The following AADACL4 variants were observed in gnomAD, a reference collection of about 807,000 sequenced individuals.
The protein encoded by AADACL4 is arylacetamide deacetylase-like 4.
A neutral mutation model predicts 14.1 loss-of-function variants in AADACL4; 9 were observed. That is an observed-to-expected ratio of 0.64 (90% CI 0.39 to 1.12). AADACL4 has a LOEUF of 1.12. AADACL4 is among the 50% of genes most tolerant of loss of function. The pLI is 0.01. For synonymous variants in AADACL4, 188 were observed against 201.6 expected (o/e 0.93, Z 0.57); for missense variants, 531 against 516.1 (o/e 1.03, Z -0.28).
chr1:12,644,766 T>A, intron 1 of AADACL4, 52 bp downstream of exon 1: 1 of 1,570,262 alleles, frequency 6.4e-7, no homozygotes, highest in Non-Finnish European at 8.7e-7. Context: ...TCTCTTGTTC[T>A]CAGTACCTTA....
At chr1:12,649,700 G>T (rs1430657295) in intron 1 of AADACL4, among the ~76,000 whole-genome samples, 1 of 152,154 alleles carries the variant, frequency 6.6e-6, no homozygotes, top group Non-Finnish European at 1.5e-5. Context: ...GACCCACTGG[G>T]GAGACACTCT....
rs902308594 is a variant in AADACL4, at chr1:12,666,853, T to A, written c.*118T>A. The A allele has an allele frequency of 9.2e-7, 1 of 1,087,426 alleles. No individual in the cohort carries two copies. Among genetic ancestry groups the A allele is most frequent in the East Asian group, 2.4e-5 (1 of 41,690 alleles). 67.4% of individuals were successfully genotyped at this position (1,087,426 alleles called of 1,614,324 possible). A position where few individuals can be genotyped will look rare whatever the true frequency, so the allele number is the denominator to read the frequency against. On this transcript the variant is annotated 3_prime_UTR_variant, in exon 4 of 4. Coordinates refer to ENST00000376221, the MANE Select transcript of AADACL4 (RefSeq NM_001013630.2). ...GTGCTACATCAATGCTTGGGGCAGC[T>A]GGGAAGGGTGAGAAGTAAGCTAACA...
rs754785414 is a variant in AADACL4 at position 12,666,409 on chromosome 1, C to T, written c.898C>T (p.Gln300Ter). The T allele has an allele frequency of 6.2e-7, 1 of 1,614,154 alleles. No homozygotes were observed. The highest frequency in any genetic ancestry group is 8.5e-7 in the Non-Finnish European group (1 of 1,180,036). ...IPKKFKNRGYQPWSPGPFNEA... is the reference protein window; with the variant it reads ...IPKKFKNRGY Reference sequence around the variant, plus strand: ...CAAGAAATTTAAGAACAGAGGCTACCAACCCTGGTCTCCCGGCCCTTTTAA... The same window carrying T: ...CAAGAAATTTAAGAACAGAGGCTACTAACCCTGGTCTCCCGGCCCTTTTAA... Residue 300 changes from glutamine to a stop codon, truncating the protein, a stop_gained, in exon 4 of 4, where the codon CAA becomes TAA. Transcript: ENST00000376221. LOFTEE classifies it low-confidence loss of function (END_TRUNC).
At position 12,645,574 on chromosome 1, in the gene AADACL4, G is replaced by T. The variant is rs544796916; in HGVS notation, c.168+860G>T. ...TTTTACTTTTTTGAGACGGGGTCTT[G>T]CTCTGTTGCCCAGGCTGGAGTGCAG... is the stretch of plus-strand genomic sequence containing the variant. On this transcript the variant is annotated intron_variant, in intron 1 of 3. Coordinates refer to ENST00000376221, the MANE Select transcript of AADACL4 (RefSeq NM_001013630.2). 2.0e-5 allele frequency among the ~76,000 whole-genome samples: 3 copies of T among 152,144 alleles called. No homozygotes were observed. The South Asian group carries it at 6.2e-4, about 32-fold the overall frequency.
At position 12,665,983 on chromosome 1, in the gene AADACL4, C is replaced by A. The variant is rs760579055; in HGVS notation, c.472C>A (p.His158Asn). 7 of 1,609,842 alleles carry A rather than the reference C, an allele frequency of 4.3e-6. No individual in the cohort carries two copies. The East Asian group carries it at 1.1e-4, about 26-fold the overall frequency. Residue 158 changes from histidine to asparagine, a missense_variant, in exon 4 of 4, where the codon CAT (histidine) becomes AAT (asparagine). His to Asn is a moderately conservative substitution (Grantham distance 68, BLOSUM62 1). Transcript: ENST00000376221. ...TAGGTACCGCAAGCTTCCTGACCAC[C>A]ATTCCCCTGCCCTTTTCCAAGACTG... ...MIGYRKLPDH[H>N]SPALFQDCMN...
Position 12,649,625 on chromosome 1 carries a change from C to T in AADACL4, c.169-1498C>T, listed in dbSNP as rs549475741. Among the ~76,000 whole-genome samples the T allele has an allele frequency of 9.7e-4, 148 of 152,268 alleles. 2 individuals carry two copies. Among genetic ancestry groups the T allele is most frequent in the African/African-American group, 6.5e-4 (27 of 41,554 alleles). On this transcript the variant is annotated intron_variant, in intron 1 of 3. Coordinates refer to ENST00000376221, the MANE Select transcript of AADACL4 (RefSeq NM_001013630.2). ...ATGGAGGGAACCGATTGGGGTAGTCCGTGCAACCTCAGACAAGACCCAGTG... is the reference window on the plus strand; with the variant it reads ...ATGGAGGGAACCGATTGGGGTAGTCTGTGCAACCTCAGACAAGACCCAGTG...
chr1:12,662,655 C>T (rs561964067), intron 3 of AADACL4, among the ~76,000 whole-genome samples: 7 of 152,214 alleles, frequency 4.6e-5, no homozygotes, highest in Non-Finnish European at 8.8e-5. Context: ...AGAAGGCCAG[C>T]GAGAGAAATT....
Position 12,666,574 on chromosome 1 carries a change from C to T in AADACL4, c.1063C>T (p.Leu355Phe), listed in dbSNP as rs759805445. The T allele has an allele frequency of 3.1e-6, 5 of 1,614,230 alleles. No individual in the cohort carries two copies. The highest frequency in any genetic ancestry group is 2.2e-5 in the South Asian group (2 of 91,084). Residue 355 changes from leucine (L) to phenylalanine (F), a missense_variant, in exon 4 of 4, where the codon CTC becomes TTC. Physicochemically the swap from Leu to Phe is conservative, Grantham distance 22 (BLOSUM62 0). Coordinates refer to ENST00000376221, the MANE Select transcript of AADACL4 (RefSeq NM_001013630.2). ...ENDILRDDSL[L>F]YKKRLEDQGV... ...TGACATACTCCGTGATGACAGCTTG[C>T]TCTATAAGAAGCGCTTGGAGGACCA...
At chr1:12,651,082 AC>A in intron 1 of AADACL4, 40 bp from the exon 2 acceptor site, 1 of 1,575,630 alleles carries the variant, frequency 6.3e-7, no homozygotes, top group Non-Finnish European at 8.7e-7. Context: ...CCAGATTCTA[AC>A]CTCTCCTAAC....
chr1:12,653,299 T>G (rs1484226575), intron 2 of AADACL4, among the ~76,000 whole-genome samples: 2 of 152,086 alleles, frequency 1.3e-5, no homozygotes, highest in East Asian at 3.9e-4. Context: ...GCAAAAACCA[T>G]TTGCGTCAAG....
Position 12,661,800 on chromosome 1 carries a change from A to G in AADACL4, c.395A>G (p.His132Arg). Residue 132 changes from histidine (H) to arginine (R), a missense_variant, in exon 3 of 4, where the codon CAT becomes CGT. His to Arg is a conservative substitution (Grantham distance 29, BLOSUM62 0). Coordinates refer to ENST00000376221, the MANE Select transcript of AADACL4 (RefSeq NM_001013630.2). ...TGTTTTTGTCTTGCAGATTGTTACC[A>G]TGGCCTGTGCAATTATCTGGCCCGG... ...ATVFGSLDCY[H>R]GLCNYLARET... 1 of 1,614,112 alleles carries G rather than the reference A, an allele frequency of 6.2e-7. No homozygotes were observed. The highest frequency in any genetic ancestry group is 2.2e-5 in the East Asian group (1 of 44,876).
chr1:12,651,492 G>T (rs766155059), intron 2 of AADACL4, among the ~76,000 whole-genome samples, 153 bp downstream of exon 2: 1 of 152,160 alleles, frequency 6.6e-6, no homozygotes, highest in Non-Finnish European at 1.5e-5. Flanking sequence ...AGGGCTTTGG[G>T]CTCAGGTCAG....
At chr1:12,648,471 A>G (rs905153636) in intron 1 of AADACL4, among the ~76,000 whole-genome samples, 1 of 150,022 alleles carries the variant, frequency 6.7e-6, no homozygotes, top group African/African-American at 2.5e-5. Context: ...ATCTTGGCTC[A>G]CTGCAACCGC....
At chr1:12,660,276 T>C (rs1647216178) in intron 2 of AADACL4, among the ~76,000 whole-genome samples, 1 of 152,226 alleles carries the variant, frequency 6.6e-6, no homozygotes, top group Non-Finnish European at 1.5e-5. Flanking sequence ...GATATTTTGT[T>C]CAACATACAA....
rs767762647 is a variant in AADACL4, at chr1:12,666,366, C to T, written c.855C>T (p.Leu285=). 12 of 1,614,124 alleles carry T rather than the reference C, an allele frequency of 7.4e-6. No individual in the cohort carries two copies. Among genetic ancestry groups the T allele is most frequent in the Admixed American group, 1.7e-5 (1 of 60,026 alleles). Residue 285 remains leucine (L), a synonymous_variant, in exon 4 of 4, where the codon CTC becomes CTT. Coordinates refer to ENST00000376221, the MANE Select transcript of AADACL4 (RefSeq NM_001013630.2). ...TCTGGAGGAAGTACGAGAAGTGGCT[C>T]AGCCCTGACAACATCCCCAAGAAAT... ...PDVWRKYEKW[L]SPDNIPKKFK...
At chr1:12,659,766 C>T (rs1456449360) in intron 2 of AADACL4, among the ~76,000 whole-genome samples, 1 of 152,186 alleles carries the variant, frequency 6.6e-6, no homozygotes, top group African/African-American at 2.4e-5. Flanking sequence ...CTTCAGCCTC[C>T]CGAGTAGCTG....
intron 2 of AADACL4, among the ~76,000 whole-genome samples, chr1:12,660,307 T>C (rs1170115075): frequency 6.6e-6 from 1 of 152,200 alleles, no homozygotes; most frequent in Non-Finnish European, 1.5e-5. Context: ...TTAATTGTGA[T>C]TTCTTAATTG....
intron 2 of AADACL4, among the ~76,000 whole-genome samples, chr1:12,653,443 G>A (rs765665589): frequency 5.9e-5 from 9 of 152,212 alleles, no homozygotes; most frequent in Non-Finnish European, 1.3e-4. Context: ...AGTCCCACAT[G>A]GCTTCAGCAG....
intron 2 of AADACL4, 110 bp from the exon 3 acceptor site, chr1:12,661,681 A>G (rs961924553): frequency 2.7e-6 from 3 of 1,105,930 alleles, no homozygotes; most frequent in African/African-American, 3.1e-5. Context: ...AGAAACAGAG[A>G]GGATGCCACA....
Sources: allele counts gnomAD v4.1 joint callset (sites outside exome capture counted in the v4.1 genomes callset), GRCh38; gene constraint gnomAD v4.1.1; transcripts MANE v1.5; gene names NCBI Gene and HGNC (gene_info 2026-07-23, HGNC 2026-07-21).